The following GNB4 variants were observed in gnomAD, a reference collection of about 807,000 sequenced individuals.
GNB4 encodes the protein guanine nucleotide-binding protein subunit beta-4.
In GNB4, 28 loss-of-function variants were observed where a neutral mutation model predicts 45.2. That is an observed-to-expected ratio of 0.62 (90% CI 0.46 to 0.85). The LOEUF (loss-of-function observed/expected upper bound fraction) is 0.85. GNB4 is among the 40% of genes least tolerant of loss of function. GNB4 has a pLI of 0.00. For synonymous variants in GNB4, 132 were observed against 143.7 expected (o/e 0.92, Z 0.58); for missense variants, 321 against 425.4 (o/e 0.75, Z 2.16).
intron 1 of GNB4, among the ~76,000 whole-genome samples, chr3:179,437,525 A>G (rs1715486104): frequency 6.6e-6 from 1 of 152,008 alleles, no homozygotes. Context: ...AAGATTGCAC[A>G]ACTGCACTCC....
the GNB4 span, among the ~76,000 whole-genome samples, chr3:179,481,224 T>C: frequency 1.0e-3 from 159 of 152,192 alleles, 1 homozygote; most frequent in African/African-American, 3.4e-3. Context: ...TGGATGTAAA[T>C]AAAATTAATC....
chr3:179,451,689 CA>C (rs1478065750), upstream of GNB4: 2 of 152,072 alleles, frequency 1.3e-5, no homozygotes, highest in African/African-American at 4.8e-5. Context: ...CGTTTCCTGC[CA>C]GAAGGAGAAG....
At chr3:179,471,545 A>AGGCC in the GNB4 span, among the ~76,000 whole-genome samples, 105 of 152,364 alleles carry the variant, frequency 6.9e-4, no homozygotes, top group African/African-American at 2.0e-3. Flanking sequence ...TAGGAGCAAT[A>AGGCC]GGCCATACCT....
chr3:179,447,694 G>C (rs1464761912), intron 1 of GNB4, among the ~76,000 whole-genome samples: 2 of 152,176 alleles, frequency 1.3e-5, no homozygotes, highest in East Asian at 3.8e-4. Context: ...ACACCAGGGT[G>C]GTGGTGGTGG....
rs375494224 is a variant in GNB4 at position 179,401,367 on chromosome 3, T to C, written c.917-48A>G. The C allele has an allele frequency of 4.6e-4, 585 of 1,264,464 alleles. 1 individual carries two copies. The highest frequency in any genetic ancestry group is 5.5e-4 in the Non-Finnish European group (480 of 871,370). 78.3% of individuals were successfully genotyped at this position (1,264,464 alleles called of 1,614,324 possible). The stretch of plus-strand genomic sequence containing the variant: ...AATTGGCAATTGTAGGGTTTTAGAA[T>C]TAAACAAGTATATGCAGAGATTTAA... On this transcript the variant is annotated intron_variant, in intron 9 of 9. Coordinates refer to ENST00000232564, the MANE Select transcript of GNB4 (RefSeq NM_021629.4).
Position 179,413,400 on chromosome 3 carries a change from C to T in GNB4, c.699+12G>A, listed in dbSNP as rs1016827159. ...GCATAATAAATTTTCTCTAGAAATGCTATTCACTTACACTGACAGCATTGA... is the reference window on the plus strand; with the variant it reads ...GCATAATAAATTTTCTCTAGAAATGTTATTCACTTACACTGACAGCATTGA... On this transcript the variant is annotated intron_variant, in intron 8 of 9. Transcript: ENST00000232564. The T allele has an allele frequency of 5.0e-6, 8 of 1,603,392 alleles. No individual in the cohort carries two copies. In the Admixed American group the frequency reaches 8.3e-5, roughly 17 times the overall value.
At chr3:179,422,674 T>A (rs944336617) in intron 2 of GNB4, among the ~76,000 whole-genome samples, 6 of 152,238 alleles carry the variant, frequency 3.9e-5, no homozygotes, top group Non-Finnish European at 7.3e-5. Flanking sequence ...TTGCATTTTT[T>A]AAAATTTAAA....
At chr3:179,511,716 T>C in the GNB4 span, among the ~76,000 whole-genome samples, 1 of 152,086 alleles carries the variant, frequency 6.6e-6, no homozygotes, top group African/African-American at 2.4e-5. Flanking sequence ...ATAGTACTAT[T>C]TTAAATGTTT....
At chr3:179,409,231 CT>C (rs1283011269) in intron 8 of GNB4, among the ~76,000 whole-genome samples, 8 of 152,012 alleles carry the variant, frequency 5.3e-5, no homozygotes, top group Admixed American at 5.2e-4. Flanking sequence ...AGAAAAAAGG[CT>C]GTGCACAGTG....
chr3:179,520,481 TA>T, the GNB4 span, among the ~76,000 whole-genome samples: 1 of 152,152 alleles, frequency 6.6e-6, no homozygotes, highest in African/African-American at 2.4e-5. Context: ...CTTACTGTTT[TA>T]GCCTAGCCCT....
Position 179,399,970 on chromosome 3 carries a change from A to G in GNB4, c.*1243T>C, listed in dbSNP as rs547298772. Reference sequence around the variant, plus strand: ...TTATACCACAGAAAAACTGTTTAATATAGCTCTCTAACTCCTTTAAGAACT... The same window carrying G: ...TTATACCACAGAAAAACTGTTTAATGTAGCTCTCTAACTCCTTTAAGAACT... On this transcript the variant is annotated 3_prime_UTR_variant, in exon 10 of 10. Coordinates refer to ENST00000232564, the MANE Select transcript of GNB4 (RefSeq NM_021629.4). The G allele has an allele frequency of 2.0e-5, 3 of 152,366 alleles. No individual in the cohort carries two copies. Among genetic ancestry groups the G allele is most frequent in the East Asian group, 3.9e-4 (2 of 5,192 alleles). 9.4% of individuals were successfully genotyped at this position (152,366 alleles called of 1,614,324 possible). A position where few individuals can be genotyped will look rare whatever the true frequency, so the allele number is the denominator to read the frequency against.
rs564096837 is a variant in GNB4 at position 179,448,521 on chromosome 3, C to T, written c.-43+2825G>A. On this transcript the variant is annotated intron_variant, in intron 1 of 9. Coordinates refer to ENST00000232564, the MANE Select transcript of GNB4 (RefSeq NM_021629.4). Reference sequence around the variant, plus strand: ...AGTTTATATTATTCACATAAATACACGGTTTGTTGTTGCTGTTTGTATTGT... The same window carrying T: ...AGTTTATATTATTCACATAAATACATGGTTTGTTGTTGCTGTTTGTATTGT... Among the ~76,000 whole-genome samples, 112 of 151,074 alleles carry T rather than the reference C, an allele frequency of 7.4e-4. 1 individual carries two copies. The highest frequency in any genetic ancestry group is 2.4e-3 in the African/African-American group (99 of 41,050).
At chr3:179,515,835 G>A in the GNB4 span, among the ~76,000 whole-genome samples, 1,660 of 152,250 alleles carry the variant, frequency 0.011, 26 homozygotes, top group African/African-American at 0.038. Flanking sequence ...GGTCAGCATG[G>A]GAACCTAGAG....
chr3:179,516,200 T>C, the GNB4 span, among the ~76,000 whole-genome samples: 47 of 152,192 alleles, frequency 3.1e-4, no homozygotes, highest in African/African-American at 1.0e-3. Flanking sequence ...TTCCTGAAGA[T>C]TGAGGACAGT....
intron 5 of GNB4, 98 bp downstream of exon 5, chr3:179,416,395 G>GA (rs1486123592): frequency 1.5e-6 from 1 of 684,160 alleles, no homozygotes; most frequent in Non-Finnish European, 2.5e-6. Context: ...ATTTATCTCA[G>GA]AAAGCAATTT....
chr3:179,456,624 A>C, the GNB4 span, among the ~76,000 whole-genome samples: 2 of 151,962 alleles, frequency 1.3e-5, no homozygotes, highest in Admixed American at 1.3e-4. Context: ...GTGATTTTGA[A>C]CACATGTACA....
the GNB4 span, among the ~76,000 whole-genome samples, chr3:179,472,612 C>T: frequency 1.3e-5 from 2 of 152,128 alleles, no homozygotes. Flanking sequence ...GATCTGCCTG[C>T]ACCAGCCTCC....
chr3:179,481,513 T>A, the GNB4 span, among the ~76,000 whole-genome samples: 1 of 152,076 alleles, frequency 6.6e-6, no homozygotes, highest in Non-Finnish European at 1.5e-5. Flanking sequence ...TTCAATTTTT[T>A]AATTGTTTTA....
the GNB4 span, among the ~76,000 whole-genome samples, chr3:179,512,553 T>C: frequency 6.6e-6 from 1 of 152,224 alleles, no homozygotes; most frequent in Admixed American, 6.5e-5. Flanking sequence ...TTGCCAGTGT[T>C]GAGAATCTGT....
Sources: allele counts gnomAD v4.1 joint callset (sites outside exome capture counted in the v4.1 genomes callset), GRCh38; gene constraint gnomAD v4.1.1; transcripts MANE v1.5; gene names NCBI Gene and HGNC (gene_info 2026-07-23, HGNC 2026-07-21).